NIBAN2: variants seen among roughly 807,000 people sequenced by gnomAD.
NIBAN2 encodes the protein niban apoptosis regulator 2.
Under a neutral mutation model 81.8 loss-of-function variants are expected in NIBAN2, and 36 were observed. The ratio of observed to expected loss-of-function variants is 0.44; its 90% CI spans 0.34 to 0.58. The LOEUF is 0.58. Among genes scored for constraint, NIBAN2 ranks in the 20% least tolerant of loss-of-function variants. The probability of loss-of-function intolerance (pLI) is 0.02; values close to 1 mark genes in which losing one functional copy is unlikely to be tolerated. For synonymous variants in NIBAN2, 445 were observed against 441.6 expected, an observed-to-expected ratio of 1.01 and a Z score of -0.10; for missense variants, 897 against 1,014.1, an observed-to-expected ratio of 0.88 and a Z score of 1.57.
chr9:127,565,859 C>T (rs1837848605), intron 1 of NIBAN2, among the ~76,000 whole-genome samples: 2 of 150,050 alleles, frequency 1.3e-5, no homozygotes. Flanking sequence ...TTTGGGAGGC[C>T]AAGGCTCCCA....
Position 127,516,886 on chromosome 9 carries a change from G to T in NIBAN2, c.944C>A (p.Ser315Tyr). 3 of 1,614,208 alleles carry T rather than the reference G, an allele frequency of 1.9e-6. No homozygotes were observed. Among genetic ancestry groups the T allele is most frequent in the Non-Finnish European group, 2.5e-6 (3 of 1,180,008 alleles). The stretch of plus-strand genomic sequence containing the variant: ...GATCTTGCTGGCAAGGTGCTCCTTG[G>T]AGGTGATAATTTGGTCCATGTCAGT... Reference protein sequence around the residue: ...IRTDMDQIITSKEHLASKIRA... With the variant: ...IRTDMDQIITYKEHLASKIRA... Residue 315 changes from serine to tyrosine, a missense_variant, in exon 8 of 14, where the codon TCC (serine) becomes TAC (tyrosine). Ser to Tyr is a moderately radical substitution (Grantham distance 144). Transcript: ENST00000373312.
At chr9:127,554,871 T>A (rs1432635486) in intron 1 of NIBAN2, among the ~76,000 whole-genome samples, 2 of 152,132 alleles carry the variant, frequency 1.3e-5, no homozygotes, top group East Asian at 3.9e-4. Flanking sequence ...AATGCTGGGA[T>A]TACAGGCCTG....
chr9:127,538,543 C>T (rs542832641), intron 1 of NIBAN2, among the ~76,000 whole-genome samples: 177 of 151,308 alleles, frequency 1.2e-3, no homozygotes, highest in African/African-American at 4.2e-3. Context: ...AGGAGAATCA[C>T]TTCAATCTGA....
intron 8 of NIBAN2, among the ~76,000 whole-genome samples, chr9:127,513,168 G>A (rs1836767227): frequency 6.6e-6 from 1 of 152,052 alleles, no homozygotes. Context: ...AAAGCAAATT[G>A]ACATTTTGGA....
chr9:127,531,812 C>T, intron 1 of NIBAN2, 34 bp from the exon 2 acceptor site: 1 of 1,612,560 alleles, frequency 6.2e-7, no homozygotes, highest in Non-Finnish European at 8.5e-7. Context: ...GCTTGAGGTC[C>T]TCAGGGATGC....
At chr9:127,556,265 A>T (rs995342187) in intron 1 of NIBAN2, among the ~76,000 whole-genome samples, 1 of 152,030 alleles carries the variant, frequency 6.6e-6, no homozygotes, top group African/African-American at 2.4e-5. Context: ...GGTCTGAGAC[A>T]CGGAGGGGCC....
intron 8 of NIBAN2, among the ~76,000 whole-genome samples, chr9:127,511,510 A>G (rs982119944): frequency 6.6e-6 from 1 of 152,012 alleles, no homozygotes; most frequent in Non-Finnish European, 1.5e-5. Flanking sequence ...TATTATTTAA[A>G]AAAAAAAACC....
At chr9:127,510,533 T>C (rs1366950994) in intron 8 of NIBAN2, among the ~76,000 whole-genome samples, 200 bp from the exon 9 acceptor site, 1 of 151,526 alleles carries the variant, frequency 6.6e-6, no homozygotes, top group Non-Finnish European at 1.5e-5. Context: ...ACCTCCCAGG[T>C]TCAAGCAATT....
rs1383249486 is a variant in NIBAN2, at chr9:127,568,752, C to CGGGGCG, written c.55+62_55+67dup. ...CCCGGCCCCGGCGCCAACTGCTGGC[C>CGGGGCG]GGGGCGGGGGCGTGGTCCGGGGGTT... On this transcript the variant is annotated intron_variant, in intron 1 of 13. Transcript: ENST00000373312. The CGGGGCG allele has an allele frequency of 1.4e-5, 17 of 1,202,958 alleles. No individual in the cohort carries two copies. In the African/African-American group the frequency reaches 1.9e-4, roughly 14 times the overall value. 74.5% of individuals were successfully genotyped at this position (1,202,958 alleles called of 1,614,324 possible). A position where few individuals can be genotyped will look rare whatever the true frequency, so the allele number is the denominator to read the frequency against.
upstream of NIBAN2, among the ~76,000 whole-genome samples, chr9:127,569,818 C>T (rs1837925890): frequency 6.6e-6 from 1 of 152,234 alleles, no homozygotes. Context: ...GCATTTCACT[C>T]GGGAGGCGGC....
At chr9:127,521,715 C>T (rs1010910839) in intron 5 of NIBAN2, among the ~76,000 whole-genome samples, 4 of 152,220 alleles carry the variant, frequency 2.6e-5, no homozygotes, top group African/African-American at 7.2e-5. Flanking sequence ...GAAGGGGCCA[C>T]CCGGCAGGAC....
intron 8 of NIBAN2, 66 bp from the exon 9 acceptor site, chr9:127,510,399 C>T: frequency 3.1e-6 from 4 of 1,291,006 alleles, no homozygotes; most frequent in East Asian, 2.4e-5. Context: ...ATCCCAGAGC[C>T]CAGGTGCTGG....
At position 127,510,286 on chromosome 9, in the gene NIBAN2, G is replaced by C; in HGVS notation, c.1021C>G (p.Pro341Ala). 2 of 1,614,064 alleles carry C rather than the reference G, an allele frequency of 1.2e-6. No homozygotes were observed. Among genetic ancestry groups the C allele is most frequent in the Non-Finnish European group, 1.7e-6 (2 of 1,179,946 alleles). ...GCCTCCAGGATGGATGGGATGTAGG[G>C]CTGGACATGGTTCCGCACGCACACC... ...AEVCVRNHVQ[P>A]YIPSILEALM... Residue 341 changes from proline to alanine, a missense_variant, in exon 9 of 14, where the codon CCC becomes GCC. By Grantham distance (27) the Pro-to-Ala change is conservative. This residue lies in a region of NIBAN2 where 619 missense variants were observed against 691.0 expected (regional missense o/e 0.90). Transcript: ENST00000373312.
intron 3 of NIBAN2, among the ~76,000 whole-genome samples, chr9:127,526,708 A>T (rs910011396): frequency 1.3e-5 from 2 of 152,134 alleles, no homozygotes; most frequent in Non-Finnish European, 2.9e-5. Context: ...GGGAAAAGAT[A>T]AGGCACAATG....
intron 1 of NIBAN2, among the ~76,000 whole-genome samples, chr9:127,533,652 C>G (rs1837224924): frequency 6.6e-6 from 1 of 152,186 alleles, no homozygotes. Context: ...CATAACAAAA[C>G]CAAAACTCCT....
intron 8 of NIBAN2, 23 bp downstream of exon 8, chr9:127,516,834 C>G (rs763485045): frequency 1.2e-6 from 2 of 1,600,324 alleles, no homozygotes; most frequent in African/African-American, 1.3e-5. Flanking sequence ...GAGGGCCCGT[C>G]GAGCACGGGG....
At chr9:127,568,515 C>A (rs1165068801) in intron 1 of NIBAN2, among the ~76,000 whole-genome samples, 1 of 150,832 alleles carries the variant, frequency 6.6e-6, no homozygotes, top group Non-Finnish European at 1.5e-5. Context: ...GCGACCCCTG[C>A]CCCAGCTCGG....
At chr9:127,531,906 C>CGCGCTCATCTGCT (rs1837191268) in intron 1 of NIBAN2, 128 bp from the exon 2 acceptor site, 1 of 1,281,272 alleles carries the variant, frequency 7.8e-7, no homozygotes, top group Admixed American at 2.3e-5. Flanking sequence ...ACAGGCTCCT[C>CGCGCTCATCTGCT]GCGCTCATCT....
intron 1 of NIBAN2, among the ~76,000 whole-genome samples, chr9:127,543,083 C>T (rs963490008): frequency 3.9e-5 from 6 of 152,216 alleles, no homozygotes; most frequent in African/African-American, 4.8e-5. Context: ...TCCCTCAGCA[C>T]GCCAAGGCCC....
Sources: allele counts gnomAD v4.1 joint callset (sites outside exome capture counted in the v4.1 genomes callset), GRCh38; gene constraint gnomAD v4.1.1; regional missense constraint gnomAD v4.1.1; transcripts MANE v1.5; gene names NCBI Gene and HGNC (gene_info 2026-07-23, HGNC 2026-07-21).